Variants in F13A1 observed in about 807,000 individuals in gnomAD.
The protein encoded by F13A1 is FSF, A subunit.
In F13A1, 47 loss-of-function variants were observed where a neutral mutation model predicts 80.1. The observed-to-expected ratio is 0.59, with a 90% CI of 0.46 to 0.75. The LOEUF is 0.75. Among genes scored for constraint, F13A1 ranks in the 30% least tolerant of loss-of-function variants. The pLI is 0.00. For synonymous variants in F13A1, 349 were observed against 344.9 expected, an observed-to-expected ratio of 1.01 and a Z score of -0.13; for missense variants, 817 against 930.4, an observed-to-expected ratio of 0.88 and a Z score of 1.59.
intron 4 of F13A1, among the ~76,000 whole-genome samples, chr6:6,265,481 A>G (rs528971860): frequency 5.9e-5 from 9 of 152,348 alleles, no homozygotes; most frequent in Non-Finnish European, 1.2e-4. Context: ...AGAGGTATGA[A>G]AGGGCAGAGA....
intron 2 of F13A1, among the ~76,000 whole-genome samples, chr6:6,309,344 TA>T (rs1197499594): frequency 1.3e-5 from 2 of 152,046 alleles, no homozygotes; most frequent in African/African-American, 4.8e-5. Flanking sequence ...GAGGAGCCCC[TA>T]ACCCACATTT....
intron 3 of F13A1, among the ~76,000 whole-genome samples, chr6:6,298,565 TG>T (rs1460050240): frequency 6.7e-6 from 1 of 149,574 alleles, no homozygotes; most frequent in African/African-American, 2.6e-5. Context: ...AGACTAGGAT[TG>T]CAACCCCTGC....
chr6:6,173,989 C>T (rs1418285668), intron 12 of F13A1, among the ~76,000 whole-genome samples: 2 of 152,126 alleles, frequency 1.3e-5, no homozygotes, highest in East Asian at 3.9e-4. Flanking sequence ...GGCTCATGGA[C>T]CACACTTTGA....
chr6:6,230,348 G>A (rs1378398005), intron 6 of F13A1, among the ~76,000 whole-genome samples: 1 of 152,178 alleles, frequency 6.6e-6, no homozygotes, highest in East Asian at 1.9e-4. Context: ...CAACCTGCAT[G>A]ACTCAGCAGA....
At chr6:6,188,873 T>C (rs1190840898) in intron 10 of F13A1, among the ~76,000 whole-genome samples, 1 of 74,430 alleles carries the variant, frequency 1.3e-5, no homozygotes. Flanking sequence ...TCTTTGTAGG[T>C]CTCTAAGAAC....
intron 3 of F13A1, among the ~76,000 whole-genome samples, chr6:6,296,957 G>T (rs1177045417): frequency 2.1e-5 from 3 of 143,154 alleles, no homozygotes; most frequent in Non-Finnish European, 3.1e-5. Flanking sequence ...TTAGCATGAA[G>T]GGTTGTTGAA....
At chr6:6,271,191 C>A (rs911798023) in intron 3 of F13A1, among the ~76,000 whole-genome samples, 3 of 152,162 alleles carry the variant, frequency 2.0e-5, no homozygotes, top group African/African-American at 7.2e-5. Context: ...CCAATAGAAC[C>A]TCAGGGACTG....
At chr6:6,223,300 T>G (rs1757225975) in intron 7 of F13A1, among the ~76,000 whole-genome samples, 1 of 152,234 alleles carries the variant, frequency 6.6e-6, no homozygotes, top group South Asian at 2.1e-4. Context: ...CACGAACGGA[T>G]GTAAGGTGTT....
intron 13 of F13A1, among the ~76,000 whole-genome samples, chr6:6,164,181 A>G (rs1426715826): frequency 6.6e-6 from 1 of 152,188 alleles, no homozygotes. Context: ...GCCAACAAGC[A>G]TATGAAAAAA....
Position 6,198,668 on chromosome 6 carries a change from ATCT to A in F13A1, c.1113-1345_1113-1343del, listed in dbSNP as rs536502310. Among the ~76,000 whole-genome samples the A allele has an allele frequency of 1.9e-4, 29 of 152,322 alleles. 1 individual carries two copies. In the South Asian group the frequency reaches 5.4e-3, roughly 28 times the overall value. ...CATAGATTCTTACCCATAAAGGGTA[ATCT>A]TCTAGGAGAAATGACAAACCTGTAA... On this transcript the variant is annotated intron_variant, in intron 8 of 14. Coordinates refer to ENST00000264870, the MANE Select transcript of F13A1 (RefSeq NM_000129.4).
chr6:6,193,483 A>C (rs1561650039), intron 10 of F13A1, among the ~76,000 whole-genome samples: 1 of 152,140 alleles, frequency 6.6e-6, no homozygotes, highest in African/African-American at 2.4e-5. Flanking sequence ...CCCTTGAGAA[A>C]AGATTCCTCA....
intron 11 of F13A1, among the ~76,000 whole-genome samples, chr6:6,177,087 G>A (rs1309975218): frequency 6.6e-6 from 1 of 152,158 alleles, no homozygotes; most frequent in African/African-American, 2.4e-5. Flanking sequence ...GCGTGCTCTG[G>A]CATCTTACAT....
intron 13 of F13A1, among the ~76,000 whole-genome samples, chr6:6,156,105 T>C (rs939707577): frequency 2.6e-5 from 4 of 152,244 alleles, no homozygotes; most frequent in African/African-American, 9.6e-5. Context: ...TCAAATGCTT[T>C]TGCATATACT....
chr6:6,164,800 G>C (rs573682629), intron 13 of F13A1, among the ~76,000 whole-genome samples: 10 of 108,130 alleles, frequency 9.2e-5, no homozygotes, highest in African/African-American at 3.8e-4. Context: ...TTTCTCCTCT[G>C]TTCTCTCCTC....
chr6:6,198,426 A>G (rs777409603), intron 8 of F13A1, among the ~76,000 whole-genome samples: 4 of 152,230 alleles, frequency 2.6e-5, no homozygotes, highest in Non-Finnish European at 4.4e-5. Context: ...GTGGTGAGGT[A>G]GTTACAGCAG....
At chr6:6,180,889 C>T (rs1427908842) in intron 11 of F13A1, among the ~76,000 whole-genome samples, 1 of 152,236 alleles carries the variant, frequency 6.6e-6, no homozygotes, top group Non-Finnish European at 1.5e-5. Context: ...CTCCTTAGCA[C>T]TTCATGGATT....
chr6:6,218,753 G>C (rs1364973375), intron 8 of F13A1, among the ~76,000 whole-genome samples: 2 of 152,182 alleles, frequency 1.3e-5, no homozygotes, highest in Admixed American at 6.5e-5. Flanking sequence ...TGGCAAACCA[G>C]GAAGCAGTCT....
chr6:6,229,725 C>A (rs1247997318), intron 6 of F13A1, among the ~76,000 whole-genome samples: 4 of 152,178 alleles, frequency 2.6e-5, no homozygotes, highest in Non-Finnish European at 5.9e-5. Flanking sequence ...CTGAAGGAAG[C>A]AGACTGCTTC....
At chr6:6,319,728 A>G (rs1326748246) in intron 1 of F13A1, among the ~76,000 whole-genome samples, 1 of 152,204 alleles carries the variant, frequency 6.6e-6, no homozygotes, top group Non-Finnish European at 1.5e-5. Flanking sequence ...ATGGTTCCAG[A>G]GACATGTGGA....
Sources: allele counts gnomAD v4.1 joint callset (sites outside exome capture counted in the v4.1 genomes callset), GRCh38; gene constraint gnomAD v4.1.1; transcripts MANE v1.5; gene names NCBI Gene and HGNC (gene_info 2026-07-23, HGNC 2026-07-21).